MEAK7: variants seen among roughly 807,000 people sequenced by gnomAD.
MEAK7 encodes MTOR associated protein MEAK7, also known as MTOR-associated protein MEAK7.
MEAK7 carries 68 observed loss-of-function variants against 40.5 expected under a neutral mutation model. The ratio of observed to expected loss-of-function variants is 1.68; its 90% confidence interval spans 1.38 to 2.06. The LOEUF is 2.06. Among genes scored for constraint, MEAK7 ranks in the 30% most tolerant of loss-of-function variants. The probability of loss-of-function intolerance (pLI) is 0.00; values close to 1 mark genes in which losing one functional copy is unlikely to be tolerated. For synonymous variants in MEAK7, 338 were observed against 231.9 expected (o/e 1.46, Z -4.16); for missense variants, 918 against 580.5 (o/e 1.58, Z -5.98).
intron 3 of MEAK7, among the ~76,000 whole-genome samples, chr16:84,491,995 A>C (rs1024507059): frequency 3.3e-5 from 5 of 152,168 alleles, no homozygotes; most frequent in African/African-American, 7.2e-5. Flanking sequence ...AATCCTGCTA[A>C]ATCTTCAACA....
chr16:84,495,540 CA>C, intron 3 of MEAK7, 142 bp downstream of exon 3: 1 of 760,148 alleles, frequency 1.3e-6, no homozygotes. Context: ...TTAACCTTGG[CA>C]AAATAAACTC....
At position 84,478,608 on chromosome 16, in the gene MEAK7, C is replaced by T. The variant is rs1912237864; in HGVS notation, c.*1305G>A. On this transcript the variant is annotated 3_prime_UTR_variant, in exon 8 of 8. Coordinates refer to ENST00000343629, the MANE Select transcript of MEAK7 (RefSeq NM_020947.4). ...TTAAGTGGGGAGATCTCATGGCCAA[C>T]CGGTGACTCACCGTGTGTTGTTTTC... 6.6e-6 allele frequency: 1 copy of T among 152,218 alleles called. No homozygotes were observed. The allele number at this position is 152,218 out of a possible 1,614,324, so 9.4% of individuals were successfully genotyped here.
intron 1 of MEAK7, among the ~76,000 whole-genome samples, chr16:84,498,472 G>C (rs983339548): frequency 1.3e-5 from 2 of 151,278 alleles, no homozygotes; most frequent in Non-Finnish European, 2.9e-5. Context: ...ATGGGGTCTT[G>C]CTATGTTGCC....
At chr16:84,491,280 T>C (rs777074746) in intron 3 of MEAK7, among the ~76,000 whole-genome samples, 2 of 151,726 alleles carry the variant, frequency 1.3e-5, no homozygotes, top group Admixed American at 6.6e-5. Flanking sequence ...TCTCTAAAAA[T>C]ACAAAAATTA....
intron 3 of MEAK7, among the ~76,000 whole-genome samples, chr16:84,493,796 C>G (rs1438707608): frequency 3.3e-5 from 5 of 152,170 alleles, no homozygotes; most frequent in African/African-American, 1.2e-4. Flanking sequence ...ACAGCATTTT[C>G]AGATTACCTT....
intron 5 of MEAK7, among the ~76,000 whole-genome samples, chr16:84,484,867 G>T (rs1219762503): frequency 6.6e-6 from 1 of 152,142 alleles, no homozygotes. Context: ...GAATGAACTC[G>T]GGTTTGAAAA....
rs896952598 is a variant in MEAK7, at chr16:84,482,470, G to A, written c.1077+122C>T. 7 of 1,491,866 alleles carry A rather than the reference G, an allele frequency of 4.7e-6. No individual in the cohort carries two copies. The African/African-American group carries it at 9.6e-5, about 20-fold the overall frequency. 92.4% of individuals were successfully genotyped at this position (1,491,866 alleles called of 1,614,324 possible). The stretch of plus-strand genomic sequence containing the variant: ...CCTGGAAACAGAAGGAACTGGACAT[G>A]GCGTGCGTGAGGAACTGAATGCCAC... On this transcript the variant is annotated intron_variant, in intron 6 of 7. Transcript: ENST00000343629.
At position 84,477,666 on chromosome 16, in the gene MEAK7, G is replaced by A. The variant is rs1912171366; in HGVS notation, c.*2247C>T. 1 of 151,802 alleles carries A rather than the reference G, an allele frequency of 6.6e-6. No homozygotes were observed. Among genetic ancestry groups the A allele is most frequent in the African/African-American group, 2.4e-5 (1 of 41,224 alleles). 9.4% of individuals were successfully genotyped at this position (151,802 alleles called of 1,614,324 possible). On this transcript the variant is annotated 3_prime_UTR_variant, in exon 8 of 8. Coordinates refer to ENST00000343629, the MANE Select transcript of MEAK7 (RefSeq NM_020947.4). ...GGGAGACCTCTAGTCCTTAGAACCT[G>A]AATTCTCATTCTGGTTTCACAAAAG...
chr16:84,483,272 G>T (rs1912738697), intron 5 of MEAK7, among the ~76,000 whole-genome samples: 1 of 152,204 alleles, frequency 6.6e-6, no homozygotes, highest in African/African-American at 2.4e-5. Context: ...TAAAAGAAAG[G>T]TACCAGTCAA....
chr16:84,482,021 G>T (rs761653723), intron 6 of MEAK7, among the ~76,000 whole-genome samples: 1 of 152,168 alleles, frequency 6.6e-6, no homozygotes, highest in Non-Finnish European at 1.5e-5. Context: ...GCTGAGCTTC[G>T]GCGTGGATGC....
In MEAK7 at chr16:84,504,600, C is replaced by A. The variant is rs1914749414; in HGVS notation, c.-26+1G>T. On this transcript the variant is annotated splice_donor_variant, in intron 1 of 7. Transcript: ENST00000343629. LOFTEE classifies it low-confidence loss of function (5UTR_SPLICE). ...CTGCGAACCTCAGCCCAGGTACCTA[C>A]CCTGCCGGGCTTCCTGGTGCTGTCC... The A allele has an allele frequency of 4.1e-6, 4 of 985,718 alleles. No individual in the cohort carries two copies. Among genetic ancestry groups the A allele is most frequent in the South Asian group, 4.7e-5 (1 of 21,296 alleles). The allele number at this position is 985,718 out of a possible 1,614,324, so 61.1% of individuals were successfully genotyped here.
intron 5 of MEAK7, among the ~76,000 whole-genome samples, chr16:84,483,769 C>T (rs1912786141): frequency 6.6e-6 from 1 of 152,126 alleles, no homozygotes; most frequent in African/African-American, 2.4e-5. Context: ...AGAGGGAGGC[C>T]CTGAAACAGA....
At chr16:84,480,476 AG>A in intron 7 of MEAK7, 52 bp downstream of exon 7, 1 of 1,513,678 alleles carries the variant, frequency 6.6e-7, no homozygotes, top group Non-Finnish European at 8.9e-7. Context: ...AAATGCAGAA[AG>A]GCCCCCAGGC....
At chr16:84,498,145 C>G (rs1914210737) in intron 1 of MEAK7, 34 bp from the exon 2 acceptor site, 1 of 1,528,292 alleles carries the variant, frequency 6.5e-7, no homozygotes, top group African/African-American at 1.4e-5. Flanking sequence ...TTAGAAAAAT[C>G]AAAATTTAAT....
rs1912367092 is a variant in MEAK7 at position 84,479,942 on chromosome 16, C to T, written c.1342G>A (p.Gly448Arg). 6.2e-7 allele frequency: 1 copy of T among 1,610,194 alleles called. No individual in the cohort carries two copies. Among genetic ancestry groups the T allele is most frequent in the South Asian group, 1.1e-5 (1 of 90,798 alleles). ...TCATCGTCCGGGACTTCCCGGAGCCCTTCGCTGTGGCGCGAATGCCCACTG... is the reference window on the plus strand; with the variant it reads ...TCATCGTCCGGGACTTCCCGGAGCCTTTCGCTGTGGCGCGAATGCCCACTG... ...EISGHSRHSE[G>R]LREVPDDE Residue 448 changes from glycine to arginine, a missense_variant, in exon 8 of 8, where the codon GGG becomes AGG. By Grantham distance (125) the Gly-to-Arg change is moderately radical. Transcript: ENST00000343629.
chr16:84,486,500 C>T, intron 5 of MEAK7, 131 bp downstream of exon 5: 1 of 1,443,888 alleles, frequency 6.9e-7, no homozygotes, highest in African/African-American at 1.4e-5. Flanking sequence ...TTTCCTATCG[C>T]CCCGACTGCG....
Position 84,486,789 on chromosome 16 carries a change from C to T in MEAK7, c.800G>A (p.Cys267Tyr), listed in dbSNP as rs572528553. Residue 267 changes from cysteine to tyrosine, a missense_variant, in exon 5 of 8, where the codon TGC becomes TAC. By Grantham distance (194) the Cys-to-Tyr change is radical. Coordinates refer to ENST00000343629, the MANE Select transcript of MEAK7 (RefSeq NM_020947.4). ...ATGGAGCTCAGACGAAAAGAGCAGG[C>T]ACCAGCGGTGCCGCTGCTCCCGAGG... Reference protein sequence around the residue: ...QLPREQRHRWCLLFSSELHGH... With the variant: ...QLPREQRHRWYLLFSSELHGH... 54 of 1,614,006 alleles carry T rather than the reference C, an allele frequency of 3.3e-5. No homozygotes were observed. Among genetic ancestry groups the T allele is most frequent in the Admixed American group, 6.7e-5 (4 of 60,018 alleles).
At position 84,486,616 on chromosome 16, in the gene MEAK7, G is replaced by A; in HGVS notation, c.958+15C>T. ...TGCTGTGCCACTCGTCAAGGTTCAGGACACCAAGTCTTACCTTGAAACTGA... is the reference window on the plus strand; with the variant it reads ...TGCTGTGCCACTCGTCAAGGTTCAGAACACCAAGTCTTACCTTGAAACTGA... On this transcript the variant is annotated intron_variant, in intron 5 of 7. Transcript: ENST00000343629. 6.3e-7 allele frequency: 1 copy of A among 1,585,764 alleles called. No homozygotes were observed. Among genetic ancestry groups the A allele is most frequent in the Non-Finnish European group, 8.6e-7 (1 of 1,166,334 alleles).
Position 84,486,727 on chromosome 16 carries a change from G to C in MEAK7, c.862C>G (p.His288Asp). 1 of 1,614,018 alleles carries C rather than the reference G, an allele frequency of 6.2e-7. No homozygotes were observed. Among genetic ancestry groups the C allele is most frequent in the Non-Finnish European group, 8.5e-7 (1 of 1,179,888 alleles). ...AGGACAGCCACACAGGGTCCCCGGT[G>C]AGTGATGTGGCCACAGAGCTGGGAG... ...SFSQLCGHIT[H>D]RGPCVAVLED... The change falls in exon 5 of 8, where the codon CAC becomes GAC. Residue 288 changes from histidine to aspartate, a missense_variant. Coordinates refer to ENST00000343629, the MANE Select transcript of MEAK7 (RefSeq NM_020947.4).
Sources: gnomAD v4.1 joint callset for allele counts (sites outside exome capture counted in the v4.1 genomes callset) on GRCh38, gnomAD v4.1.1 for gene constraint, MANE v1.5 for transcripts, NCBI Gene and HGNC (gene_info 2026-07-23, HGNC 2026-07-21) for gene names.